BACH2: variants seen among roughly 807,000 people sequenced by gnomAD.
The protein encoded by BACH2 is BACH transcriptional regulator 2, also known as transcription regulator protein BACH2.
Under a neutral mutation model 61.8 loss-of-function variants are expected in BACH2, and 5 were observed. That is an observed-to-expected ratio of 0.08 (90% CI 0.04 to 0.17). The LOEUF (loss-of-function observed/expected upper bound fraction) is 0.17. Ranked by LOEUF, BACH2 falls within the 10% of genes least tolerant of loss-of-function variation. The pLI is 1.00. For synonymous variants in BACH2, 446 were observed against 440.1 expected (o/e 1.01, Z -0.17); for missense variants, 824 against 1,091.1 (o/e 0.76, Z 3.45).
At chr6:90,212,956 A>G (rs1769407493) in intron 3 of BACH2, among the ~76,000 whole-genome samples, 1 of 152,198 alleles carries the variant, frequency 6.6e-6, no homozygotes, top group African/African-American at 2.4e-5. Flanking sequence ...AAGTCAGGAT[A>G]TCTAATCTTT....
intron 4 of BACH2, among the ~76,000 whole-genome samples, chr6:90,190,243 A>G (rs1189214906): frequency 6.6e-6 from 1 of 152,232 alleles, no homozygotes; most frequent in Non-Finnish European, 1.5e-5. Context: ...GCAAGCAGCC[A>G]ACTCTGAGCA....
intron 4 of BACH2, among the ~76,000 whole-genome samples, chr6:90,206,068 T>A (rs967890537): frequency 2.6e-5 from 4 of 152,166 alleles, no homozygotes; most frequent in Admixed American, 2.6e-4. Flanking sequence ...TAAATATGTA[T>A]CAAGTGCTTG....
chr6:90,156,716 A>T (rs1785006497), intron 4 of BACH2, among the ~76,000 whole-genome samples: 1 of 152,184 alleles, frequency 6.6e-6, no homozygotes, highest in African/African-American at 2.4e-5. Context: ...AAAGAAAGGC[A>T]GCAGATTTCA....
intron 3 of BACH2, among the ~76,000 whole-genome samples, chr6:90,250,198 A>C (rs1353641526): frequency 6.6e-6 from 1 of 152,238 alleles, no homozygotes; most frequent in African/African-American, 2.4e-5. Context: ...GAAAGCAAAA[A>C]GGCTTGAATT....
At chr6:90,249,740 A>C (rs1303552769) in intron 3 of BACH2, among the ~76,000 whole-genome samples, 1 of 152,176 alleles carries the variant, frequency 6.6e-6, no homozygotes, top group Non-Finnish European at 1.5e-5. Context: ...GCGCTACTGC[A>C]CTCTAGCCTG....
At chr6:90,139,313 G>C (rs915621932) in intron 4 of BACH2, among the ~76,000 whole-genome samples, 1 of 152,156 alleles carries the variant, frequency 6.6e-6, no homozygotes, top group African/African-American at 2.4e-5. Flanking sequence ...CATGTAAAAA[G>C]TGGTGTGCCT....
At chr6:90,234,251 C>T (rs1303186605) in intron 3 of BACH2, among the ~76,000 whole-genome samples, 4 of 152,212 alleles carry the variant, frequency 2.6e-5, no homozygotes, top group Non-Finnish European at 4.4e-5. Context: ...GCGCTTCAGT[C>T]GGTGGTGCAA....
At chr6:89,993,806 T>G (rs1031319751) in intron 6 of BACH2, among the ~76,000 whole-genome samples, 6 of 152,000 alleles carry the variant, frequency 3.9e-5, no homozygotes, top group African/African-American at 1.4e-4. Flanking sequence ...CTTTATGTTT[T>G]TTTTTTTTTG....
chr6:90,017,653 T>C (rs1429012795), intron 5 of BACH2, among the ~76,000 whole-genome samples: 1 of 152,198 alleles, frequency 6.6e-6, no homozygotes, highest in African/African-American at 2.4e-5. Flanking sequence ...AAAAGTCCCC[T>C]TTGGTCTTTT....
Position 90,134,110 on chromosome 6 carries a change from G to A in BACH2, c.-161-45001C>T, listed in dbSNP as rs546101252. Among the ~76,000 whole-genome samples the A allele has an allele frequency of 2.2e-3, 340 of 152,190 alleles. 1 individual carries two copies. The highest frequency in any genetic ancestry group is 8.0e-3 in the African/African-American group (331 of 41,532). ...TCTAGTTCTAGATCCCTGAGGAATC[G>A]CCACACTGACTTCCACAATGGTTGA... is the stretch of plus-strand genomic sequence containing the variant. On this transcript the variant is annotated intron_variant, in intron 4 of 8. Coordinates refer to ENST00000257749, the MANE Select transcript of BACH2 (RefSeq NM_021813.4).
At chr6:90,085,253 T>A (rs1781885455) in intron 5 of BACH2, among the ~76,000 whole-genome samples, 1 of 152,182 alleles carries the variant, frequency 6.6e-6, no homozygotes, top group Non-Finnish European at 1.5e-5. Flanking sequence ...GGGAGAACTA[T>A]CTGCTGTGGA....
chr6:90,084,373 C>A (rs1433008464), intron 5 of BACH2, among the ~76,000 whole-genome samples: 2 of 151,766 alleles, frequency 1.3e-5, no homozygotes, highest in Non-Finnish European at 2.9e-5. Flanking sequence ...TCTAAAAATT[C>A]TGGTCTATGA....
chr6:90,257,671 T>C (rs937291132), intron 2 of BACH2, among the ~76,000 whole-genome samples: 4 of 152,210 alleles, frequency 2.6e-5, no homozygotes, highest in Non-Finnish European at 4.4e-5. Context: ...CATTGGAATA[T>C]TGGGATATAC....
At chr6:89,964,955 G>A (rs62408177) in intron 6 of BACH2, among the ~76,000 whole-genome samples, 27,325 of 151,954 alleles carry the variant, frequency 0.18, 3,242 homozygotes, top group Middle Eastern at 0.3. Flanking sequence ...GCACAATCTC[G>A]GCTAACTGCA....
chr6:89,985,512 C>T (rs528406104), intron 6 of BACH2, among the ~76,000 whole-genome samples: 1 of 152,078 alleles, frequency 6.6e-6, no homozygotes, highest in Non-Finnish European at 1.5e-5. Context: ...TCCGTCCATC[C>T]GGCACTCCTG....
chr6:90,268,571 T>A (rs1253165210), intron 2 of BACH2, among the ~76,000 whole-genome samples: 1 of 152,174 alleles, frequency 6.6e-6, no homozygotes, highest in Non-Finnish European at 1.5e-5. Context: ...TAATAAATGT[T>A]TAATCAGGCT....
Position 90,008,886 on chromosome 6 carries a change from A to G in BACH2, c.-12-30T>C, listed in dbSNP as rs761837712. On this transcript the variant is annotated intron_variant, in intron 5 of 8. Coordinates refer to ENST00000257749, the MANE Select transcript of BACH2 (RefSeq NM_021813.4). This position sits in a 1 kb window ranked among gnomAD's most constrained non-coding sequence, Gnocchi z 4.1. Reference sequence around the variant, plus strand: ...AAGAAAGAAAGAAACAAAGAAAGAAAGAAAGAAAGGCTGAGTCACCACAGC... The same window carrying G: ...AAGAAAGAAAGAAACAAAGAAAGAAGGAAAGAAAGGCTGAGTCACCACAGC... 1.2e-6 allele frequency: 2 copies of G among 1,607,424 alleles called. No individual in the cohort carries two copies. Among genetic ancestry groups the G allele is most frequent in the South Asian group, 2.2e-5 (2 of 90,668 alleles).
At chr6:90,221,732 T>C (rs1468161776) in intron 3 of BACH2, among the ~76,000 whole-genome samples, 2 of 152,040 alleles carry the variant, frequency 1.3e-5, no homozygotes, top group African/African-American at 4.8e-5. Context: ...GTGAGCAGGA[T>C]TTTTGACACC....
At chr6:90,244,520 C>T (rs1770566442) in intron 3 of BACH2, among the ~76,000 whole-genome samples, 1 of 152,178 alleles carries the variant, frequency 6.6e-6, no homozygotes. Context: ...GACACTGCTG[C>T]CTACTTGGAT....
Sources: allele counts gnomAD v4.1 joint callset (sites outside exome capture counted in the v4.1 genomes callset), GRCh38; gene constraint gnomAD v4.1.1; non-coding constraint Gnocchi (gnomAD v3.1); transcripts MANE v1.5; gene names NCBI Gene and HGNC (gene_info 2026-07-23, HGNC 2026-07-21).